PPP2R5C: variants seen among roughly 807,000 people sequenced by gnomAD.
PPP2R5C encodes serine/threonine-protein phosphatase 2A 56 kDa regulatory subunit gamma isoform.
In PPP2R5C, 7 loss-of-function variants were observed where a neutral mutation model predicts 68.9. The observed-to-expected ratio is 0.10, with a 90% CI of 0.06 to 0.19. PPP2R5C has a LOEUF of 0.19. Ranked by LOEUF, PPP2R5C falls within the 10% of genes least tolerant of loss-of-function variation. The pLI, the probability that PPP2R5C is intolerant of heterozygous loss-of-function variation, is 1.00. For missense variants in PPP2R5C, 348 were observed against 641.3 expected (o/e 0.54, Z 4.94); for synonymous variants, 210 against 222.2 (o/e 0.95, Z 0.49).
At chr14:101,769,300 C>T (rs963474518) in intron 2 of PPP2R5C, among the ~76,000 whole-genome samples, 10 of 152,226 alleles carry the variant, frequency 6.6e-5, no homozygotes, top group African/African-American at 2.2e-4. Flanking sequence ...AGATGACCTT[C>T]GTTCCCCTGT....
intron 1 of PPP2R5C, among the ~76,000 whole-genome samples, chr14:101,850,823 T>G (rs1595372683): frequency 6.6e-6 from 1 of 152,218 alleles, no homozygotes; most frequent in African/African-American, 2.4e-5. Context: ...ATAGAACTGC[T>G]GAGCTTTTGT....
At chr14:101,922,202 T>G in intron 13 of PPP2R5C, 4 of 985,192 alleles carry the variant, frequency 4.1e-6, no homozygotes, top group Non-Finnish European at 4.8e-6. Flanking sequence ...ATTTGGCAGC[T>G]GGGAGGCCGG....
intron 2 of PPP2R5C, among the ~76,000 whole-genome samples, chr14:101,873,776 G>A (rs2043576727): frequency 6.6e-6 from 1 of 152,096 alleles, no homozygotes; most frequent in African/African-American, 2.4e-5. Flanking sequence ...TTTGAATCCT[G>A]GGTCCCACCT....
intron 3 of PPP2R5C, among the ~76,000 whole-genome samples, chr14:101,799,696 G>C (rs1324432904): frequency 6.6e-6 from 1 of 152,248 alleles, no homozygotes; most frequent in Non-Finnish European, 1.5e-5. Flanking sequence ...AAAGGTGACA[G>C]GCTTACAGGA....
upstream of PPP2R5C, among the ~76,000 whole-genome samples, chr14:101,808,616 C>T (rs1373058295): frequency 2.0e-5 from 3 of 152,184 alleles, no homozygotes; most frequent in Non-Finnish European, 2.9e-5. Context: ...GCTGGAACTG[C>T]GAGCCCTAGC....
upstream of PPP2R5C, chr14:101,761,865 G>A: frequency 9.3e-7 from 1 of 1,078,790 alleles, no homozygotes; most frequent in South Asian, 4.4e-5. Flanking sequence ...CGGCAGGGGC[G>A]GCGGCGGCGG....
At chr14:101,810,011 G>A in exon 1 of PPP2R5C, 1 of 1,613,996 alleles carries the variant, frequency 6.2e-7, no homozygotes, top group South Asian at 1.1e-5. Context: ...GGCCTTTCCA[G>A]CCCGTGGTCC....
At chr14:101,861,232 T>A (rs1178410708) in intron 2 of PPP2R5C, among the ~76,000 whole-genome samples, 1 of 152,178 alleles carries the variant, frequency 6.6e-6, no homozygotes, top group Admixed American at 6.5e-5. Flanking sequence ...TCTAGCAGTT[T>A]TTACATGGTT....
chr14:101,883,769 C>T (rs2044304930), intron 5 of PPP2R5C, among the ~76,000 whole-genome samples: 1 of 152,280 alleles, frequency 6.6e-6, no homozygotes, highest in East Asian at 1.9e-4. Flanking sequence ...TCCCCTCTCC[C>T]CACAGCTCCC....
At chr14:101,805,716 C>T (rs2039048300), upstream of PPP2R5C, among the ~76,000 whole-genome samples, 1 of 152,226 alleles carries the variant, frequency 6.6e-6, no homozygotes, top group Non-Finnish European at 1.5e-5. Context: ...GAATATCATT[C>T]AGCCCTTTGA....
intron 1 of PPP2R5C, chr14:101,833,534 T>C (rs1178694979): frequency 6.6e-6 from 1 of 152,222 alleles, no homozygotes; most frequent in Non-Finnish European, 1.5e-5. Flanking sequence ...TTCTTAATTT[T>C]CCCTTCATTT....
chr14:101,899,132 G>A lies in PPP2R5C; in HGVS notation c.853-2587G>A, dbSNP rs2045532441. On this transcript the variant is annotated intron_variant, in intron 8 of 13. Transcript: ENST00000334743. The surrounding 1 kb of genome is among the most constrained non-coding windows in gnomAD (Gnocchi z 4.2). ...TGCTAATTGTGTACAGTGCTCAAAA[G>A]CTTTCTGGGCACATGAAACACTTTC... 2.0e-5 allele frequency among the ~76,000 whole-genome samples: 3 copies of A among 152,226 alleles called. No individual in the cohort carries two copies. Among genetic ancestry groups the A allele is most frequent in the Admixed American group, 6.5e-5 (1 of 15,286 alleles).
chr14:101,793,852 A>G (rs1301757813), intron 3 of PPP2R5C, among the ~76,000 whole-genome samples: 1 of 151,428 alleles, frequency 6.6e-6, no homozygotes, highest in Non-Finnish European at 1.5e-5. Context: ...AAGGAGACAG[A>G]GTGGGAAGGT....
chr14:101,853,487 T>A (rs1009999155), intron 1 of PPP2R5C, among the ~76,000 whole-genome samples: 1 of 152,228 alleles, frequency 6.6e-6, no homozygotes, highest in Non-Finnish European at 1.5e-5. Flanking sequence ...TTCTTAATTG[T>A]AATAAATTTG....
At chr14:101,883,611 TC>T in intron 5 of PPP2R5C, 49 bp downstream of exon 7, 3 of 1,595,314 alleles carry the variant, frequency 1.9e-6, no homozygotes, top group South Asian at 2.2e-5. Context: ...GATGCTCATT[TC>T]CCCCCTCGAT....
rs2037702221 is a variant in PPP2R5C at position 101,781,699 on chromosome 14, A to AG, written c.94-4318dup. On this transcript the variant is annotated intron_variant, in intron 2 of 14. Transcript: ENST00000328724. This position sits in a 1 kb window ranked among gnomAD's most constrained non-coding sequence, Gnocchi z 6.4. The stretch of plus-strand genomic sequence containing the variant: ...CCCGGCCTCCGCTGCCTCGCCCCGG[A>AG]GCCCGGAGGAGGGGAGCCGGCCACC... Among the ~76,000 whole-genome samples the AG allele has an allele frequency of 6.6e-6, 1 of 151,796 alleles. No homozygotes were observed. The highest frequency in any genetic ancestry group is 2.1e-4 in the South Asian group (1 of 4,816).
intron 7 of PPP2R5C, among the ~76,000 whole-genome samples, 165 bp from the exon 10 acceptor site, chr14:101,894,342 C>G (rs1263132937): frequency 6.6e-6 from 1 of 151,978 alleles, no homozygotes; most frequent in Non-Finnish European, 1.5e-5. Flanking sequence ...TGATCTATCA[C>G]CAATTAATGG....
At chr14:101,809,649 T>C (rs376445280), upstream of PPP2R5C, among the ~76,000 whole-genome samples, 8 of 147,610 alleles carry the variant, frequency 5.4e-5, no homozygotes, top group African/African-American at 2.0e-4. Context: ...CCCTAAGAGA[T>C]GGGATCTTTG....
intron 1 of PPP2R5C, chr14:101,819,111 G>T (rs1479823213): frequency 2.0e-6 from 3 of 1,510,222 alleles, no homozygotes; most frequent in Non-Finnish European, 2.7e-6. Context: ...GTCTGTATAT[G>T]TGTGTTTACA....
Sources: allele counts gnomAD v4.1 joint callset (sites outside exome capture counted in the v4.1 genomes callset), GRCh38; gene constraint gnomAD v4.1.1; non-coding constraint Gnocchi (gnomAD v3.1); transcripts MANE v1.5; gene names NCBI Gene and HGNC (gene_info 2026-07-23, HGNC 2026-07-21).